The following SOX5 variants were observed in gnomAD, a reference collection of about 807,000 sequenced individuals.
SOX5 encodes the protein SRY-box transcription factor 5.
A neutral mutation model predicts 92.0 loss-of-function variants in SOX5; 9 were observed. The ratio of observed to expected loss-of-function variants is 0.10; its 90% confidence interval spans 0.06 to 0.17. SOX5 has a LOEUF of 0.17. Ranked by LOEUF, SOX5 falls within the 10% of genes least tolerant of loss-of-function variation. The pLI is 1.00. For synonymous variants in SOX5, 344 were observed against 336.3 expected (o/e 1.02, Z -0.25); for missense variants, 642 against 944.5 (o/e 0.68, Z 4.20).
chr12:24,181,118 T>G (rs1038422711), intron 4 of SOX5, among the ~76,000 whole-genome samples: 1 of 152,210 alleles, frequency 6.6e-6, no homozygotes, highest in Admixed American at 6.5e-5. Context: ...ACTAGCTGTA[T>G]TGCATCTTAC....
At chr12:23,760,415 A>G (rs900253411) in intron 3 of SOX5, among the ~76,000 whole-genome samples, 1 of 152,138 alleles carries the variant, frequency 6.6e-6, no homozygotes, top group African/African-American at 2.4e-5. Flanking sequence ...GGACGGATAT[A>G]AGACAAATTC....
At chr12:24,065,337 A>G (rs913964878) in intron 4 of SOX5, among the ~76,000 whole-genome samples, 6 of 152,186 alleles carry the variant, frequency 3.9e-5, no homozygotes, top group Non-Finnish European at 7.4e-5. Flanking sequence ...GGTTGTGGAT[A>G]CAAATACCTC....
intron 3 of SOX5, among the ~76,000 whole-genome samples, chr12:24,215,125 T>G (rs1449373349): frequency 6.6e-6 from 1 of 152,064 alleles, no homozygotes; most frequent in East Asian, 1.9e-4. Flanking sequence ...GTAAAGACCA[T>G]CTATGAAAAA....
At chr12:23,806,582 TA>T (rs35340250) in intron 3 of SOX5, among the ~76,000 whole-genome samples, 13,135 of 70,376 alleles carry the variant, frequency 0.19, 460 homozygotes, top group Non-Finnish European at 0.23. Flanking sequence ...CTTTTTCCAC[TA>T]AAAAAAAAAA....
At chr12:23,607,415 A>T (rs2075375504) in intron 8 of SOX5, among the ~76,000 whole-genome samples, 1 of 152,228 alleles carries the variant, frequency 6.6e-6, no homozygotes, top group Admixed American at 6.5e-5. Context: ...CAGTAAAATT[A>T]AAGAAGCTGA....
chr12:24,139,020 C>A (rs150335825), intron 4 of SOX5, among the ~76,000 whole-genome samples: 5 of 152,124 alleles, frequency 3.3e-5, no homozygotes, highest in East Asian at 1.9e-4. Flanking sequence ...CCTTACACTG[C>A]GAAACACCAG....
intron 6 of SOX5, among the ~76,000 whole-genome samples, chr12:23,669,517 T>G (rs16926565): frequency 1.0e-3 from 159 of 151,974 alleles, no homozygotes; most frequent in African/African-American, 3.7e-3. Flanking sequence ...GGGATTAAAT[T>G]AGGGTCAGTG....
At chr12:24,198,430 C>T (rs112892985) in intron 4 of SOX5, among the ~76,000 whole-genome samples, 1 of 152,266 alleles carries the variant, frequency 6.6e-6, no homozygotes, top group Non-Finnish European at 1.5e-5. Flanking sequence ...CTCTATTGAG[C>T]TGTTTGTGGG....
rs368920633 is a variant in SOX5 at position 23,939,053 on chromosome 12, T to C, written c.38+10511A>G. ...ATATCCAAATATTTTTATGATTTTT[T>C]ATAAGCTTAAGCTGGCTCATTTGCA... On this transcript the variant is annotated intron_variant, in intron 1 of 14. Transcript: ENST00000451604. Among the ~76,000 whole-genome samples the C allele has an allele frequency of 6.6e-5, 10 of 151,144 alleles. No individual in the cohort carries two copies. The South Asian group carries it at 1.9e-3, about 28-fold the overall frequency.
intron 4 of SOX5, among the ~76,000 whole-genome samples, chr12:23,984,198 T>C (rs1949854731): frequency 6.6e-6 from 1 of 152,130 alleles, no homozygotes; most frequent in Non-Finnish European, 1.5e-5. Flanking sequence ...TAATGTACAA[T>C]GCACAATCCT....
rs1370510022 is a variant in SOX5, at chr12:23,655,803, ATGT to A, written c.931+9638_931+9640del. 8.5e-5 allele frequency among the ~76,000 whole-genome samples: 13 copies of A among 152,232 alleles called. No individual in the cohort carries two copies. In the East Asian group the frequency reaches 2.3e-3, roughly 27 times the overall value. ...ATGTTAAACCTCTAGAAGTTAATAAATGTTGTCATTAACATGAATGAATATGAA... is the reference window on the plus strand; with the variant it reads ...ATGTTAAACCTCTAGAAGTTAATAAATGTCATTAACATGAATGAATATGAA... On this transcript the variant is annotated intron_variant, in intron 7 of 14. Coordinates refer to ENST00000451604, the MANE Select transcript of SOX5 (RefSeq NM_006940.6).
At chr12:24,339,933 G>A (rs1952381949) in intron 2 of SOX5, among the ~76,000 whole-genome samples, 1 of 152,226 alleles carries the variant, frequency 6.6e-6, no homozygotes, top group Admixed American at 6.5e-5. Context: ...CCCCCTGGCT[G>A]TAGCCAATAC....
At chr12:23,791,171 A>C (rs945154357) in intron 3 of SOX5, among the ~76,000 whole-genome samples, 1 of 152,218 alleles carries the variant, frequency 6.6e-6, no homozygotes, top group African/African-American at 2.4e-5. Context: ...GACAGGACTC[A>C]AGCTACACAA....
intron 6 of SOX5, among the ~76,000 whole-genome samples, chr12:23,687,546 ATATC>A (rs1483906706): frequency 6.6e-6 from 1 of 152,064 alleles, no homozygotes; most frequent in Non-Finnish European, 1.5e-5. Flanking sequence ...AATTTTAAAT[ATATC>A]TAAACCCTTA....
At chr12:24,292,845 G>A (rs553587069) in intron 2 of SOX5, among the ~76,000 whole-genome samples, 3 of 152,214 alleles carry the variant, frequency 2.0e-5, no homozygotes, top group Admixed American at 6.5e-5. Context: ...TATTTAAAAC[G>A]CAGTCGCTCT....
chr12:23,714,788 TCAA>T (rs2092357781), intron 6 of SOX5, among the ~76,000 whole-genome samples: 1 of 152,188 alleles, frequency 6.6e-6, no homozygotes, highest in Admixed American at 6.5e-5. Context: ...TACTTGCTTT[TCAA>T]ATGAATAAAT....
intron 1 of SOX5, among the ~76,000 whole-genome samples, chr12:24,381,250 A>T (rs1957797007): frequency 6.6e-6 from 1 of 152,264 alleles, no homozygotes; most frequent in African/African-American, 2.4e-5. Context: ...TAAAGAGGAA[A>T]CAAGTATAAT....
intron 3 of SOX5, among the ~76,000 whole-genome samples, chr12:24,221,881 T>A (rs539493214): frequency 6.6e-6 from 1 of 152,162 alleles, no homozygotes; most frequent in East Asian, 1.9e-4. Context: ...TCATACAGAG[T>A]AAATAGCACG....
At chr12:24,273,982 G>T (rs934189684) in intron 3 of SOX5, among the ~76,000 whole-genome samples, 1 of 151,994 alleles carries the variant, frequency 6.6e-6, no homozygotes, top group South Asian at 2.1e-4. Context: ...ATTTCATTGT[G>T]GTACAACTTT....
Sources: gnomAD v4.1 joint callset for allele counts (sites outside exome capture counted in the v4.1 genomes callset) on GRCh38, gnomAD v4.1.1 for gene constraint, MANE v1.5 for transcripts, NCBI Gene and HGNC (gene_info 2026-07-23, HGNC 2026-07-21) for gene names.